ZNF442: variants seen among roughly 807,000 people sequenced by gnomAD.
ZNF442 encodes zinc finger protein 442.
A neutral mutation model predicts 57.0 loss-of-function variants in ZNF442; 45 were observed. The ratio of observed to expected loss-of-function variants is 0.79; its 90% CI spans 0.62 to 1.01. ZNF442 has a LOEUF of 1.01. Ranked by LOEUF, ZNF442 falls within the 50% of genes least tolerant of loss-of-function variation. The pLI, the probability that ZNF442 is intolerant of heterozygous loss-of-function variation, is 0.00. For missense variants in ZNF442, 690 were observed against 756.5 expected (o/e 0.91, Z 1.03); for synonymous variants, 213 against 241.8 (o/e 0.88, Z 1.10).
chr19:12,363,422 C>T, intron 3 of ZNF442, 132 bp downstream of exon 3: 1 of 790,570 alleles, frequency 1.3e-6, no homozygotes, highest in Admixed American at 1.9e-5. Flanking sequence ...CCCATCTGCT[C>T]AGTAAAGTGC....
At chr19:12,362,542 G>A (rs1969450719) in intron 3 of ZNF442, among the ~76,000 whole-genome samples, 1 of 151,628 alleles carries the variant, frequency 6.6e-6, no homozygotes, top group Admixed American at 6.6e-5. Context: ...CCCTCCAGGA[G>A]GTGGGGGACA....
chr19:12,352,170 G>A (rs1352899461), intron 4 of ZNF442, 100 bp from the exon 5 acceptor site: 5 of 1,124,958 alleles, frequency 4.4e-6, no homozygotes, highest in Non-Finnish European at 6.4e-6. Flanking sequence ...TTCATTCACT[G>A]AATTGTAGCT....
In ZNF442 at chr19:12,351,221, C is replaced by T. The variant is rs145650732; in HGVS notation, c.364G>A (p.Gly122Arg). The stretch of plus-strand genomic sequence containing the variant: ...AGGAATGAACAACCCATGATTTCTC[C>T]ACACACACTGCTTTTACATGGATCT... ...GVDPCKSSVC[G>R]EIMGCSFLNC... Residue 122 changes from glycine (G) to arginine (R), a missense_variant, in exon 6 of 6, where the codon GGA becomes AGA. Transcript: ENST00000242804. 3.8e-5 allele frequency: 62 copies of T among 1,614,010 alleles called. No individual in the cohort carries two copies. The African/African-American group carries it at 6.7e-4, about 17-fold the overall frequency.
upstream of ZNF442, among the ~76,000 whole-genome samples, chr19:12,367,552 G>A (rs1969547992): frequency 6.6e-6 from 1 of 152,104 alleles, no homozygotes; most frequent in South Asian, 2.1e-4. Context: ...CACTGCAGGA[G>A]ACCAGGGCGT....
chr19:12,357,649 G>A (rs898931583), intron 3 of ZNF442, among the ~76,000 whole-genome samples: 3 of 151,880 alleles, frequency 2.0e-5, no homozygotes, highest in African/African-American at 7.3e-5. Context: ...CACCATGCCC[G>A]GCCCTACCCC....
In ZNF442 at chr19:12,349,026, C is replaced by CAAAAAAA. The variant is rs146226078; in HGVS notation, c.*668_*674dup. On this transcript the variant is annotated 3_prime_UTR_variant, in exon 6 of 6. Transcript: ENST00000242804. ...TGAAACCCCGTCTCTACTAAAAATA[C>CAAAAAAA]AAAAAAAAAAAAAAAAAAAAAAAAA... is the stretch of plus-strand genomic sequence containing the variant. 4 of 58,988 alleles carry CAAAAAAA rather than the reference C, an allele frequency of 6.8e-5. No homozygotes were observed. The highest frequency in any genetic ancestry group is 1.5e-4 in the Non-Finnish European group (4 of 27,508). 3.7% of individuals were successfully genotyped at this position (58,988 alleles called of 1,614,324 possible). A position where few individuals can be genotyped will look rare whatever the true frequency, so the allele number is the denominator to read the frequency against.
rs1259471465 is a variant in ZNF442 at position 12,363,579 on chromosome 19, TGA to T, written c.51_52del (p.Gln18AspfsTer2). 6.2e-7 allele frequency: 1 copy of T among 1,614,220 alleles called. No homozygotes were observed. The highest frequency in any genetic ancestry group is 2.2e-5 in the East Asian group (1 of 44,880). On this transcript the variant is annotated frameshift_variant, in exon 3 of 6. Coordinates refer to ENST00000242804, the MANE Select transcript of ZNF442 (RefSeq NM_030824.3). LOFTEE classifies it high-confidence loss of function. ...ATATTGTTTTCTCTCTTCATTAGTC[TGA>T]GAGTCAGGAAGGAAGAGATCACTTC...
In ZNF442 at chr19:12,347,973, T is replaced by C. The variant is rs1274203036; in HGVS notation, c.*1728A>G. On this transcript the variant is annotated 3_prime_UTR_variant, in exon 6 of 6. Coordinates refer to ENST00000242804, the MANE Select transcript of ZNF442 (RefSeq NM_030824.3). ...GATGCAGAAGACTTAGAAGAGGTAA[T>C]ATCAAAGATGTGACACTTGAAACAT... The C allele has an allele frequency of 9.9e-5, 15 of 152,188 alleles. No homozygotes were observed. The highest frequency in any genetic ancestry group is 9.8e-4 in the Admixed American group (15 of 15,278). The allele number at this position is 152,188 out of a possible 1,614,324, so 9.4% of individuals were successfully genotyped here.
chr19:12,354,897 C>T (rs1035991759), intron 3 of ZNF442, among the ~76,000 whole-genome samples: 5 of 152,186 alleles, frequency 3.3e-5, no homozygotes, highest in African/African-American at 1.2e-4. Context: ...GTTTTTGTGA[C>T]CAATAAGCCT....
the ZNF442 span, among the ~76,000 whole-genome samples, chr19:12,373,007 C>G: frequency 4.6e-5 from 7 of 152,118 alleles, no homozygotes; most frequent in Non-Finnish European, 1.0e-4. Context: ...CTCCTGACAT[C>G]GTGATCTGCC....
rs1969197993 is a variant in ZNF442 at position 12,350,217 on chromosome 19, A to G, written c.1368T>C (p.Thr456=). Residue 456 remains threonine, a synonymous_variant, in exon 6 of 6, where the codon ACT becomes ACC. Coordinates refer to ENST00000242804, the MANE Select transcript of ZNF442 (RefSeq NM_030824.3). The part of the protein sequence containing the change: ...SSLRRHETTH[T]GEKPYKCKCG... ...ATTTACATTTATAGGGTTTCTCTCC[A>G]GTGTGAGTTGTTTCATGTCTTCGAA... 1.2e-5 allele frequency: 20 copies of G among 1,614,116 alleles called. No individual in the cohort carries two copies. Among genetic ancestry groups the G allele is most frequent in the Non-Finnish European group, 1.3e-5 (15 of 1,180,022 alleles).
Position 12,363,564 on chromosome 19 carries a change from C to T in ZNF442, c.68G>A (p.Arg23Lys). Reference sequence around the variant, plus strand: ...TTCTCCAGTGCTTACATATTGTTTTCTCTCTTCATTAGTCTGAGAGTCAGG... The same window carrying T: ...TTCTCCAGTGCTTACATATTGTTTTTTCTCTTCATTAGTCTGAGAGTCAGG... The part of the protein sequence containing the change: ...FLPDSQTNEE[R>K]KQYDSVAFED... Residue 23 changes from arginine (R) to lysine (K), a missense_variant, in exon 3 of 6, where the codon AGA (arginine) becomes AAA (lysine). Transcript: ENST00000242804. The T allele has an allele frequency of 6.2e-7, 1 of 1,614,178 alleles. No homozygotes were observed. Among genetic ancestry groups the T allele is most frequent in the Non-Finnish European group, 8.5e-7 (1 of 1,180,002 alleles).
At chr19:12,354,871 T>C (rs1215306261) in intron 3 of ZNF442, among the ~76,000 whole-genome samples, 1 of 152,226 alleles carries the variant, frequency 6.6e-6, no homozygotes, top group Non-Finnish European at 1.5e-5. Context: ...ACAGACAATA[T>C]ATGTGTTAAT....
chr19:12,364,407 CAAA>C (rs35227073), intron 2 of ZNF442, among the ~76,000 whole-genome samples: 3 of 93,122 alleles, frequency 3.2e-5, no homozygotes, highest in Non-Finnish European at 4.5e-5. Context: ...AACTCCATCT[CAAA>C]AAAAAAAAAA....
At chr19:12,357,383 G>A (rs1315683928) in intron 3 of ZNF442, among the ~76,000 whole-genome samples, 1 of 108,892 alleles carries the variant, frequency 9.2e-6, no homozygotes, top group Non-Finnish European at 1.7e-5. Context: ...ACAGAGTCTC[G>A]CTCTGCCGCC....
chr19:12,358,312 T>C (rs1599591694), intron 3 of ZNF442, among the ~76,000 whole-genome samples: 1 of 152,322 alleles, frequency 6.6e-6, no homozygotes, highest in Admixed American at 6.5e-5. Flanking sequence ...TTTCTGTGTC[T>C]GAATTGTTTT....
At chr19:12,368,909 C>T (rs1368501310), upstream of ZNF442, among the ~76,000 whole-genome samples, 1 of 152,236 alleles carries the variant, frequency 6.6e-6, no homozygotes, top group East Asian at 1.9e-4. Flanking sequence ...TCAACTTGCC[C>T]TCCTGTGTCC....
At position 12,351,631 on chromosome 19, in the gene ZNF442, G is replaced by A. The variant is rs528358094; in HGVS notation, c.267-313C>T. Among the ~76,000 whole-genome samples the A allele has an allele frequency of 8.5e-5, 13 of 152,130 alleles. No homozygotes were observed. The East Asian group carries it at 1.2e-3, about 14-fold the overall frequency. ...AGTGTTTCTCCTGCCTCAGCCGCCC[G>A]AGTAACTGGGACTACACACATGCGC... On this transcript the variant is annotated intron_variant, in intron 5 of 5. Transcript: ENST00000242804.
At chr19:12,355,940 G>A (rs971518877) in intron 3 of ZNF442, among the ~76,000 whole-genome samples, 2 of 151,774 alleles carry the variant, frequency 1.3e-5, no homozygotes, top group East Asian at 1.9e-4. Flanking sequence ...AGCAGAGGCT[G>A]CAGAGAGCCT....
Sources: gnomAD v4.1 joint callset for allele counts (sites outside exome capture counted in the v4.1 genomes callset) on GRCh38, gnomAD v4.1.1 for gene constraint, MANE v1.5 for transcripts, NCBI Gene and HGNC (gene_info 2026-07-23, HGNC 2026-07-21) for gene names.